FREM2: variants seen among roughly 807,000 people sequenced by gnomAD.
FREM2 encodes the protein FRAS1 related extracellular matrix 2.
Under a neutral mutation model 219.9 loss-of-function variants are expected in FREM2, and 119 were observed. The ratio of observed to expected loss-of-function variants is 0.54; its 90% CI spans 0.47 to 0.63. FREM2 has a LOEUF of 0.63. Among genes scored for constraint, FREM2 ranks in the 30% least tolerant of loss-of-function variants. The pLI is 0.00. For synonymous variants in FREM2, 1,562 were observed against 1,522.8 expected, an observed-to-expected ratio of 1.03 and a Z score of -0.60; for missense variants, 4,030 against 3,993.6, an observed-to-expected ratio of 1.01 and a Z score of -0.25.
At position 38,687,742 on chromosome 13, in the gene FREM2, CT is replaced by C. The variant is rs1869545423; in HGVS notation, c.399del (p.Gly134AlafsTer31). On this transcript the variant is annotated frameshift_variant, in exon 1 of 24. Transcript: ENST00000280481. LOFTEE classifies it high-confidence loss of function. ...SPKRFPCDFG[P>X]GEVRYSHLGA... is the part of the protein sequence containing the mutation. Reference sequence around the variant, plus strand: ...AAGCGCTTCCCGTGCGACTTTGGCCCTGGCGAGGTGCGCTACTCTCACCTGG... The same window carrying C: ...AAGCGCTTCCCGTGCGACTTTGGCCCGGCGAGGTGCGCTACTCTCACCTGG... The C allele has an allele frequency of 6.5e-7, 1 of 1,545,354 alleles. No individual in the cohort carries two copies. The highest frequency in any genetic ancestry group is 8.7e-7 in the Non-Finnish European group (1 of 1,143,060).
chr13:38,828,784 C>T (rs1876395976), intron 6 of FREM2, among the ~76,000 whole-genome samples: 1 of 151,994 alleles, frequency 6.6e-6, no homozygotes, highest in Non-Finnish European at 1.5e-5. Context: ...CATGTCAATG[C>T]ATATAAACCC....
chr13:38,721,246 C>CA (rs1324337731), intron 2 of FREM2, among the ~76,000 whole-genome samples: 13 of 152,070 alleles, frequency 8.5e-5, no homozygotes, highest in African/African-American at 3.1e-4. Flanking sequence ...TGTCAGCTGA[C>CA]AGTGACATTG....
intron 6 of FREM2, among the ~76,000 whole-genome samples, chr13:38,845,569 G>A (rs1040584307): frequency 1.3e-5 from 2 of 152,114 alleles, no homozygotes; most frequent in Non-Finnish European, 2.9e-5. Context: ...TTTATTCTGG[G>A]TGATATAATT....
intron 2 of FREM2, among the ~76,000 whole-genome samples, chr13:38,734,181 G>T (rs1278509444): frequency 6.6e-6 from 1 of 151,128 alleles, no homozygotes; most frequent in East Asian, 1.9e-4. Flanking sequence ...AAAAAAGAAA[G>T]AAAAGAAACA....
chr13:38,796,857 G>A (rs930748977), intron 6 of FREM2, among the ~76,000 whole-genome samples: 2 of 151,790 alleles, frequency 1.3e-5, no homozygotes, highest in African/African-American at 4.8e-5. Context: ...GTTTTTTCTG[G>A]GTTTTTTGTT....
chr13:38,764,529 C>T (rs1409413732), intron 3 of FREM2, 79 bp downstream of exon 3: 4 of 847,176 alleles, frequency 4.7e-6, no homozygotes, highest in Non-Finnish European at 7.4e-6. Context: ...ATTAAAGTAT[C>T]AGTTTAGTTC....
intron 4 of FREM2, among the ~76,000 whole-genome samples, chr13:38,777,907 G>A (rs746608897): frequency 2.0e-5 from 3 of 152,208 alleles, no homozygotes; most frequent in Admixed American, 6.5e-5. Flanking sequence ...CAGATTGACT[G>A]TAGGAGTGAA....
chr13:38,856,731 G>A (rs1877574287), intron 12 of FREM2, among the ~76,000 whole-genome samples: 1 of 133,268 alleles, frequency 7.5e-6, no homozygotes. Flanking sequence ...TGATCAAAAT[G>A]TTGCAGTCCT....
rs1433558486 is a variant in FREM2, at chr13:38,886,737, C to A, written c.*5950C>A. The A allele has an allele frequency of 1.3e-5, 2 of 152,170 alleles. No individual in the cohort carries two copies. Among genetic ancestry groups the A allele is most frequent in the African/African-American group, 4.8e-5 (2 of 41,434 alleles). The allele number at this position is 152,170 out of a possible 1,614,324, so 9.4% of individuals were successfully genotyped here. On this transcript the variant is annotated 3_prime_UTR_variant, in exon 24 of 24. Coordinates refer to ENST00000280481, the MANE Select transcript of FREM2 (RefSeq NM_207361.6). Reference sequence around the variant, plus strand: ...TTGTCTATAAAAGAAAACTCTTGGACAAGGAGCTTTGTGTTTTATAATTGT... The same window carrying A: ...TTGTCTATAAAAGAAAACTCTTGGAAAAGGAGCTTTGTGTTTTATAATTGT...
intron 4 of FREM2, among the ~76,000 whole-genome samples, chr13:38,782,784 T>C (rs1354177242): frequency 1.3e-5 from 2 of 152,260 alleles, no homozygotes; most frequent in African/African-American, 4.8e-5. Flanking sequence ...GTTAGATTTA[T>C]AAAAACTGTG....
chr13:38,874,658 C>A, intron 18 of FREM2, 72 bp downstream of exon 18: 1 of 1,200,900 alleles, frequency 8.3e-7, no homozygotes, highest in Non-Finnish European at 1.2e-6. Flanking sequence ...TCACACATTT[C>A]AGCGTGCTTC....
chr13:38,781,541 C>A (rs1874118119), intron 4 of FREM2, among the ~76,000 whole-genome samples: 1 of 152,196 alleles, frequency 6.6e-6, no homozygotes, highest in South Asian at 2.1e-4. Flanking sequence ...GATTTTGTTA[C>A]TTCTGTATCC....
chr13:38,830,396 C>A (rs1876460680), intron 6 of FREM2, among the ~76,000 whole-genome samples: 1 of 152,168 alleles, frequency 6.6e-6, no homozygotes, highest in Non-Finnish European at 1.5e-5. Flanking sequence ...CTCAATCTTC[C>A]CACCTCCACT....
chr13:38,689,079 A>G lies in FREM2; in HGVS notation c.1735A>G (p.Ile579Val). 2.5e-6 allele frequency: 4 copies of G among 1,614,006 alleles called. No individual in the cohort carries two copies. Among genetic ancestry groups the G allele is most frequent in the Non-Finnish European group, 3.4e-6 (4 of 1,180,006 alleles). Reference sequence around the variant, plus strand: ...ACTGGCAGAGGGTGAAACAGTGCCCATCCTGCCCCTTTCCCTGAGTGCAAC... The same window carrying G: ...ACTGGCAGAGGGTGAAACAGTGCCCGTCCTGCCCCTTTCCCTGAGTGCAAC... ...LTLAEGETVP[I>V]LPLSLSATDM... The change falls in exon 1 of 24, where the codon ATC (isoleucine) becomes GTC (valine). Residue 579 changes from isoleucine to valine, a missense_variant. By Grantham distance (29) the Ile-to-Val change is conservative (BLOSUM62 3). Transcript: ENST00000280481.
In FREM2 at chr13:38,687,681, G is replaced by C. The variant is rs2138061783; in HGVS notation, c.337G>C (p.Asp113His). 6.3e-7 allele frequency: 1 copy of C among 1,588,574 alleles called. No individual in the cohort carries two copies. Among genetic ancestry groups the C allele is most frequent in the Non-Finnish European group, 8.6e-7 (1 of 1,165,484 alleles). ...DRCAVSVLDNDALAQRPGRLS... is the reference protein window; with the variant it reads ...DRCAVSVLDNHALAQRPGRLS... ...CTGCGCGGTTTCGGTACTAGACAAC[G>C]ACGCACTGGCCCAGCGACCGGGCCG... The change falls in exon 1 of 24, where the codon GAC (aspartate) becomes CAC (histidine). Residue 113 changes from aspartate (D) to histidine (H), a missense_variant. Coordinates refer to ENST00000280481, the MANE Select transcript of FREM2 (RefSeq NM_207361.6).
Position 38,691,865 on chromosome 13 carries a change from T to C in FREM2, c.4521T>C (p.Phe1507=), listed in dbSNP as rs1245237828. The stretch of plus-strand genomic sequence containing the variant: ...ATGATGAAGTGAAAATGGACAGTTT[T>C]GAGTTTCAAGTCACCGATGGACGTA... The part of the protein sequence containing the change: ...TADDEVKMDS[F]EFQVTDGRNP... The change falls in exon 1 of 24, where the codon TTT becomes TTC. Residue 1507 remains phenylalanine (F), a synonymous_variant. Coordinates refer to ENST00000280481, the MANE Select transcript of FREM2 (RefSeq NM_207361.6). The C allele has an allele frequency of 2.5e-6, 4 of 1,614,120 alleles. No homozygotes were observed. The highest frequency in any genetic ancestry group is 3.4e-6 in the Non-Finnish European group (4 of 1,180,032).
chr13:38,837,465 C>T lies in FREM2; in HGVS notation c.6020-9108C>T, dbSNP rs139488007. ...TAGATGTTTATTAGGCCTGCTTGGT[C>T]CATAGCTGAGTTCAAGTCCTGAATA... On this transcript the variant is annotated intron_variant, in intron 6 of 23. Coordinates refer to ENST00000280481, the MANE Select transcript of FREM2 (RefSeq NM_207361.6). Among the ~76,000 whole-genome samples the T allele has an allele frequency of 1.2e-3, 188 of 152,174 alleles. 1 individual carries two copies. The highest frequency in any genetic ancestry group is 6.6e-4 in the Non-Finnish European group (45 of 67,986).
At chr13:38,728,265 A>G (rs1164016761) in intron 2 of FREM2, among the ~76,000 whole-genome samples, 2 of 151,990 alleles carry the variant, frequency 1.3e-5, no homozygotes, top group Non-Finnish European at 2.9e-5. Context: ...CAGGACTGCT[A>G]GTGTTACTAT....
At chr13:38,868,471 G>A (rs930063785) in intron 16 of FREM2, among the ~76,000 whole-genome samples, 9 of 152,170 alleles carry the variant, frequency 5.9e-5, no homozygotes, top group Non-Finnish European at 8.8e-5. Context: ...GTACACCTAT[G>A]CTGTTAAACA....
Sources: gnomAD v4.1 joint callset for allele counts (sites outside exome capture counted in the v4.1 genomes callset) on GRCh38, gnomAD v4.1.1 for gene constraint, MANE v1.5 for transcripts, NCBI Gene and HGNC (gene_info 2026-07-23, HGNC 2026-07-21) for gene names.